PARD3B: variants seen among roughly 807,000 people sequenced by gnomAD.
The protein encoded by PARD3B is par-3 family cell polarity regulator beta.
PARD3B carries 103 observed loss-of-function variants against 130.2 expected under a neutral mutation model. The ratio of observed to expected loss-of-function variants is 0.79; its 90% confidence interval spans 0.67 to 0.93. The LOEUF (loss-of-function observed/expected upper bound fraction) is 0.93. Among genes scored for constraint, PARD3B ranks in the 40% least tolerant of loss-of-function variants. PARD3B has a pLI of 0.00. For missense variants in PARD3B, 1,609 were observed against 1,499.2 expected (o/e 1.07, Z -1.21); for synonymous variants, 583 against 553.2 (o/e 1.05, Z -0.76).
At chr2:204,838,404 G>A (rs1008603816) in intron 2 of PARD3B, among the ~76,000 whole-genome samples, 1 of 149,396 alleles carries the variant, frequency 6.7e-6, no homozygotes, top group Admixed American at 6.6e-5. Flanking sequence ...TAGTAGAGAC[G>A]GGGTTTTGCC....
chr2:205,211,893 G>C (rs1330267898), intron 15 of PARD3B, among the ~76,000 whole-genome samples: 1 of 152,052 alleles, frequency 6.6e-6, no homozygotes. Context: ...TTTCAGCTTG[G>C]AATTCCTTAA....
chr2:205,116,452 A>G lies in PARD3B; in HGVS notation c.681-2469A>G, dbSNP rs1369278079. Reference sequence around the variant, plus strand: ...GAGAAGATGTTGGTGCCTAAATGATAATTAGAAGAGCAAGAAGAATTGTTA... The same window carrying G: ...GAGAAGATGTTGGTGCCTAAATGATGATTAGAAGAGCAAGAAGAATTGTTA... On this transcript the variant is annotated intron_variant, in intron 6 of 22. Transcript: ENST00000406610. This position sits in a 1 kb window ranked among gnomAD's most constrained non-coding sequence, Gnocchi z 4.5. Among the ~76,000 whole-genome samples the G allele has an allele frequency of 6.6e-6, 1 of 152,164 alleles. No individual in the cohort carries two copies. Among genetic ancestry groups the G allele is most frequent in the African/African-American group, 2.4e-5 (1 of 41,448 alleles).
intron 14 of PARD3B, among the ~76,000 whole-genome samples, chr2:205,186,915 A>G (rs551958594): frequency 9.9e-5 from 15 of 152,232 alleles, no homozygotes; most frequent in Non-Finnish European, 2.1e-4. Context: ...GCCATTTAAA[A>G]CATAATTTCA....
chr2:204,841,905 G>T (rs183618322), intron 2 of PARD3B, among the ~76,000 whole-genome samples: 1 of 151,736 alleles, frequency 6.6e-6, no homozygotes, highest in Non-Finnish European at 1.5e-5. Flanking sequence ...CAAATAATAA[G>T]AGAAAACTTT....
chr2:205,421,789 G>A lies in PARD3B; in HGVS notation c.2742-18581G>A, dbSNP rs1449107805. Among the ~76,000 whole-genome samples, 1 of 152,188 alleles carries A rather than the reference G, an allele frequency of 6.6e-6. No individual in the cohort carries two copies. Among genetic ancestry groups the A allele is most frequent in the East Asian group, 1.9e-4 (1 of 5,190 alleles). The stretch of plus-strand genomic sequence containing the variant: ...GTCAACTGAGCTGATTCCTTTTGCA[G>A]ACTCATTGTCATTGGCTTTTACTTG... On this transcript the variant is annotated intron_variant, in intron 19 of 22. Coordinates refer to ENST00000406610, the MANE Select transcript of PARD3B (RefSeq NM_001302769.2). This position sits in a 1 kb window ranked among gnomAD's most constrained non-coding sequence, Gnocchi z 5.1.
At position 204,545,989 on chromosome 2, in the gene PARD3B, C is replaced by T. The variant is rs2029897087; in HGVS notation, c.-11C>T. 1.9e-6 allele frequency: 3 copies of T among 1,554,938 alleles called. No individual in the cohort carries two copies. The South Asian group carries it at 3.5e-5, about 18-fold the overall frequency. Reference sequence around the variant, plus strand: ...GTTCGGCCCGGCCCGGCGTGGTCGCCGGGGGCCAGGATGAAAGTGACCGTG... The same window carrying T: ...GTTCGGCCCGGCCCGGCGTGGTCGCTGGGGGCCAGGATGAAAGTGACCGTG... On this transcript the variant is annotated 5_prime_UTR_variant, in exon 1 of 23. Transcript: ENST00000406610.
intron 1 of PARD3B, among the ~76,000 whole-genome samples, chr2:204,560,050 T>G (rs2031209424): frequency 6.8e-6 from 1 of 148,108 alleles, no homozygotes; most frequent in African/African-American, 2.5e-5. Flanking sequence ...GGGTGGGGGG[T>G]CTGGGGAGGG....
chr2:205,607,167 G>T (rs1453109032), intron 22 of PARD3B, among the ~76,000 whole-genome samples: 1 of 151,708 alleles, frequency 6.6e-6, no homozygotes, highest in African/African-American at 2.4e-5. Context: ...ATGGAATGTT[G>T]TTTGTGCTCT....
At chr2:205,108,146 T>C (rs1174691681) in intron 5 of PARD3B, among the ~76,000 whole-genome samples, 1 of 152,214 alleles carries the variant, frequency 6.6e-6, no homozygotes, top group Non-Finnish European at 1.5e-5. Flanking sequence ...GCTTTATTCC[T>C]GTAATCATTG....
chr2:205,108,731 T>A (rs1703413685), intron 5 of PARD3B, among the ~76,000 whole-genome samples: 1 of 152,054 alleles, frequency 6.6e-6, no homozygotes, highest in African/African-American at 2.4e-5. Context: ...ACAAGGTGCC[T>A]CCACTTTGAA....
At chr2:204,923,434 A>G (rs972714931) in intron 2 of PARD3B, among the ~76,000 whole-genome samples, 2 of 152,022 alleles carry the variant, frequency 1.3e-5, no homozygotes, top group Middle Eastern at 3.2e-3. Flanking sequence ...AATTGCATTA[A>G]TAGCTTTTTA....
Position 205,121,562 on chromosome 2 carries a change from C to T in PARD3B, c.807-29C>T, listed in dbSNP as rs1341743732. 2 of 1,589,964 alleles carry T rather than the reference C, an allele frequency of 1.3e-6. No homozygotes were observed. Among genetic ancestry groups the T allele is most frequent in the East Asian group, 2.2e-5 (1 of 44,672 alleles). On this transcript the variant is annotated intron_variant, in intron 7 of 22. Transcript: ENST00000406610. The surrounding 1 kb of genome is among the most constrained non-coding windows in gnomAD (Gnocchi z 5.0). Reference sequence around the variant, plus strand: ...AAGATGCTGCACCTCAAAGCAGGGTCATCATACATTTATCAACTTTCTTTC... The same window carrying T: ...AAGATGCTGCACCTCAAAGCAGGGTTATCATACATTTATCAACTTTCTTTC...
intron 18 of PARD3B, among the ~76,000 whole-genome samples, chr2:205,324,226 A>T (rs2042859474): frequency 6.6e-6 from 1 of 152,202 alleles, no homozygotes; most frequent in South Asian, 2.1e-4. Flanking sequence ...CTGTAAAATA[A>T]ATTCTTCTAT....
chr2:205,438,377 T>C (rs1404444936), intron 19 of PARD3B, among the ~76,000 whole-genome samples: 3 of 152,204 alleles, frequency 2.0e-5, no homozygotes, highest in Non-Finnish European at 4.4e-5. Flanking sequence ...CCTCTTCCAT[T>C]AATGCACACA....
intron 1 of PARD3B, among the ~76,000 whole-genome samples, chr2:204,608,256 A>G (rs1421129540): frequency 6.6e-6 from 1 of 152,216 alleles, no homozygotes; most frequent in Non-Finnish European, 1.5e-5. Flanking sequence ...GGGCAAGGAA[A>G]GTTTACAGCA....
At position 205,121,801 on chromosome 2, in the gene PARD3B, T is replaced by C; in HGVS notation, c.1017T>C (p.Pro339=). The change falls in exon 8 of 23, where the codon CCT becomes CCC. Residue 339 remains proline, a synonymous_variant. Coordinates refer to ENST00000406610, the MANE Select transcript of PARD3B (RefSeq NM_001302769.2). This position sits in a 1 kb window ranked among gnomAD's most constrained non-coding sequence, Gnocchi z 5.0. ...CAAATCTCACAGGAACCGATAGTCC[T>C]GAAACAGATGCATCAGCTTCCCTGC... The part of the protein sequence containing the change: ...KTANLTGTDS[P]ETDASASLQQ... The C allele has an allele frequency of 1.9e-6, 3 of 1,614,134 alleles. No homozygotes were observed. The highest frequency in any genetic ancestry group is 2.5e-6 in the Non-Finnish European group (3 of 1,180,042).
At chr2:204,840,743 G>A (rs558404544) in intron 2 of PARD3B, among the ~76,000 whole-genome samples, 2 of 151,976 alleles carry the variant, frequency 1.3e-5, no homozygotes, top group Non-Finnish European at 2.9e-5. Context: ...GGTCAACCAC[G>A]GTCGCAAAGT....
rs1696601322 is a variant in PARD3B, at chr2:205,021,589, TTCTCTTCTC to T, written c.395-25986_395-25978del. Among the ~76,000 whole-genome samples the T allele has an allele frequency of 2.7e-5, 4 of 149,790 alleles. No homozygotes were observed. The Admixed American group carries it at 2.7e-4, about 10-fold the overall frequency. ...AACTATATGCTCTCTTCTCTCTCTC[TTCTCTTCTC>T]TCTCTCTCTCTCTCTCTCTCTCCCT... On this transcript the variant is annotated intron_variant, in intron 3 of 22. Coordinates refer to ENST00000406610, the MANE Select transcript of PARD3B (RefSeq NM_001302769.2). The surrounding 1 kb of genome is among the most constrained non-coding windows in gnomAD (Gnocchi z 4.5).
intron 21 of PARD3B, among the ~76,000 whole-genome samples, chr2:205,511,980 C>G (rs753263977): frequency 3.3e-5 from 5 of 152,052 alleles, no homozygotes; most frequent in African/African-American, 9.7e-5. Flanking sequence ...TAAGTAGTAA[C>G]TAGTCTGGTG....
Sources: allele counts gnomAD v4.1 joint callset (sites outside exome capture counted in the v4.1 genomes callset), GRCh38; gene constraint gnomAD v4.1.1; non-coding constraint Gnocchi (gnomAD v3.1); transcripts MANE v1.5; gene names NCBI Gene and HGNC (gene_info 2026-07-23, HGNC 2026-07-21).